The following AKAP13 variants were observed in gnomAD, a reference collection of about 807,000 sequenced individuals.
AKAP13 encodes the protein A-kinase anchoring protein 13, also known as A-kinase anchor protein 13.
Under a neutral mutation model 264.5 loss-of-function variants are expected in AKAP13, and 80 were observed. The ratio of observed to expected loss-of-function variants is 0.30; its 90% CI spans 0.25 to 0.36. The LOEUF is 0.36. Ranked by LOEUF, AKAP13 falls within the 10% of genes least tolerant of loss-of-function variation. AKAP13 has a pLI of 1.00. For synonymous variants in AKAP13, 1,380 were observed against 1,250.2 expected (o/e 1.10, Z -2.19); for missense variants, 3,712 against 3,435.2 (o/e 1.08, Z -2.01).
chr15:85,436,429 A>T (rs2073298758), intron 1 of AKAP13, among the ~76,000 whole-genome samples: 2 of 139,566 alleles, frequency 1.4e-5, no homozygotes, highest in Admixed American at 1.5e-4. Flanking sequence ...GTCAACAAGG[A>T]TACCCAGGAA....
At position 85,744,831 on chromosome 15, in the gene AKAP13, A is replaced by ATATT; in HGVS notation, c.*154_*155insTATT. The ATATT allele has an allele frequency of 1.6e-6, 1 of 618,680 alleles. No homozygotes were observed. Among genetic ancestry groups the ATATT allele is most frequent in the Non-Finnish European group, 2.7e-6 (1 of 366,084 alleles). 38.3% of individuals were successfully genotyped at this position (618,680 alleles called of 1,614,324 possible). On this transcript the variant is annotated 3_prime_UTR_variant, in exon 37 of 37. Coordinates refer to ENST00000394518, the MANE Select transcript of AKAP13 (RefSeq NM_007200.5). Reference sequence around the variant, plus strand: ...CCCCAGGTCCTGGACAATAAGCAACAGATGATATTGAGTGTCGGGTGGGGA... The same window carrying ATATT: ...CCCCAGGTCCTGGACAATAAGCAACATATTGATGATATTGAGTGTCGGGTGGGGA...
At chr15:85,603,354 T>A (rs2080177282) in intron 8 of AKAP13, among the ~76,000 whole-genome samples, 1 of 152,246 alleles carries the variant, frequency 6.6e-6, no homozygotes, top group Non-Finnish European at 1.5e-5. Context: ...CACCAATGCC[T>A]TGGTTTGTGC....
At chr15:85,511,317 C>T (rs1422697646) in intron 2 of AKAP13, among the ~76,000 whole-genome samples, 2 of 152,154 alleles carry the variant, frequency 1.3e-5, no homozygotes, top group African/African-American at 2.4e-5. Context: ...CTCTCTATTA[C>T]CACAAACTCA....
chr15:85,613,013 G>T (rs528095603), intron 8 of AKAP13, among the ~76,000 whole-genome samples: 2 of 152,134 alleles, frequency 1.3e-5, no homozygotes, highest in African/African-American at 4.8e-5. Flanking sequence ...CTATTATGAA[G>T]TAGCTTTTGT....
chr15:85,723,152 G>T lies in AKAP13; in HGVS notation c.6577G>T (p.Ala2193Ser). 3 of 1,614,120 alleles carry T rather than the reference G, an allele frequency of 1.9e-6. No individual in the cohort carries two copies. The highest frequency in any genetic ancestry group is 2.5e-6 in the Non-Finnish European group (3 of 1,180,014). The change falls in exon 26 of 37, where the codon GCA (alanine) becomes TCA (serine). Residue 2193 changes from alanine (A) to serine (S), a missense_variant. Physicochemically the swap from Ala to Ser is moderately conservative, Grantham distance 99. Transcript: ENST00000394518. Reference protein sequence around the residue: ...DVIGAVDSKVASYEKKVRLNE... With the variant: ...DVIGAVDSKVSSYEKKVRLNE... ...GATTGGAGCTGTAGACAGCAAAGTG[G>T]CAAGTTATGAAAAGAAAGTGCGTCT...
chr15:85,624,546 C>G (rs1454495182), intron 8 of AKAP13: 2 of 152,238 alleles, frequency 1.3e-5, no homozygotes, highest in African/African-American at 2.4e-5. Context: ...TATATAGCCA[C>G]TCAGATACTG....
At chr15:85,672,466 A>G (rs916811595) in intron 14 of AKAP13, among the ~76,000 whole-genome samples, 3 of 152,244 alleles carry the variant, frequency 2.0e-5, no homozygotes, top group Non-Finnish European at 4.4e-5. Context: ...TGCCTTAAGC[A>G]TCGGGATAAC....
chr15:85,519,260 A>C (rs1008923683), intron 2 of AKAP13, among the ~76,000 whole-genome samples: 4 of 152,150 alleles, frequency 2.6e-5, no homozygotes, highest in African/African-American at 9.7e-5. Flanking sequence ...ATTGACAGTG[A>C]AATTTGAATT....
intron 2 of AKAP13, among the ~76,000 whole-genome samples, chr15:85,509,461 T>G (rs2076346615): frequency 6.6e-6 from 1 of 152,238 alleles, no homozygotes; most frequent in Non-Finnish European, 1.5e-5. Context: ...AGGATAGCTC[T>G]GTTCAGTGAT....
At chr15:85,566,764 T>G (rs1224230819) in intron 5 of AKAP13, among the ~76,000 whole-genome samples, 3 of 151,600 alleles carry the variant, frequency 2.0e-5, no homozygotes, top group African/African-American at 7.3e-5. Flanking sequence ...GTAGCTGGGA[T>G]TACAGGTGTG....
intron 1 of AKAP13, among the ~76,000 whole-genome samples, chr15:85,396,025 C>T (rs2071092987): frequency 1.3e-5 from 2 of 149,474 alleles, no homozygotes; most frequent in African/African-American, 4.9e-5. Flanking sequence ...CATACATACA[C>T]ACACACACAC....
chr15:85,514,576 C>T (rs2076544291), intron 2 of AKAP13, among the ~76,000 whole-genome samples: 1 of 138,030 alleles, frequency 7.2e-6, no homozygotes, highest in South Asian at 2.2e-4. Flanking sequence ...TGCCTGTACA[C>T]TAGATAATAT....
intron 17 of AKAP13, chr15:85,702,467 A>T (rs1326671841): frequency 6.6e-6 from 1 of 152,178 alleles, no homozygotes; most frequent in Non-Finnish European, 1.5e-5. Context: ...ACTTCCCTCC[A>T]TCGCGTCTCA....
intron 1 of AKAP13, among the ~76,000 whole-genome samples, chr15:85,471,556 A>G (rs1228235296): frequency 6.6e-6 from 1 of 152,238 alleles, no homozygotes; most frequent in Non-Finnish European, 1.5e-5. Context: ...TAAACACAAT[A>G]AAATTCACCC....
chr15:85,704,399 A>G (rs2086110510), intron 17 of AKAP13, among the ~76,000 whole-genome samples: 1 of 152,224 alleles, frequency 6.6e-6, no homozygotes, highest in African/African-American at 2.4e-5. Flanking sequence ...CTTCCGAAAG[A>G]TAAAAAACAC....
intron 5 of AKAP13, among the ~76,000 whole-genome samples, chr15:85,572,320 C>G (rs763510675): frequency 1.3e-5 from 2 of 152,132 alleles, no homozygotes; most frequent in Non-Finnish European, 2.9e-5. Flanking sequence ...GTCTGCCACA[C>G]AATAAGGCAT....
At chr15:85,717,700 C>A (rs2087032635) in intron 21 of AKAP13, among the ~76,000 whole-genome samples, 1 of 152,194 alleles carries the variant, frequency 6.6e-6, no homozygotes, top group South Asian at 2.1e-4. Flanking sequence ...CAATTGTAAG[C>A]CTGCTCTCTT....
chr15:85,729,834 G>T (rs151047636), intron 29 of AKAP13, among the ~76,000 whole-genome samples: 1 of 152,268 alleles, frequency 6.6e-6, no homozygotes, highest in Admixed American at 6.5e-5. Context: ...TCCTTAGGAG[G>T]CTGAGGCAGG....
intron 23 of AKAP13, among the ~76,000 whole-genome samples, chr15:85,720,916 A>C (rs1221153997): frequency 6.6e-6 from 1 of 152,244 alleles, no homozygotes; most frequent in East Asian, 1.9e-4. Flanking sequence ...GTTATGAAAT[A>C]AATGCAAATG....
Sources: gnomAD v4.1 joint callset for allele counts (sites outside exome capture counted in the v4.1 genomes callset) on GRCh38, gnomAD v4.1.1 for gene constraint, MANE v1.5 for transcripts, NCBI Gene and HGNC (gene_info 2026-07-23, HGNC 2026-07-21) for gene names.